Variants in OVGP1 observed in about 807,000 individuals in gnomAD.
OVGP1 encodes oviductal glycoprotein 1, also known as oviduct-specific glycoprotein.
OVGP1 carries 26 observed loss-of-function variants against 48.2 expected under a neutral mutation model. The observed-to-expected ratio is 0.54, with a 90% CI of 0.40 to 0.75. The LOEUF (loss-of-function observed/expected upper bound fraction) is 0.75, where lower values mean the gene tolerates loss of function less well. OVGP1 is among the 30% of genes least tolerant of loss of function. The pLI is 0.00. For missense variants in OVGP1, 791 were observed against 820.6 expected (o/e 0.96, Z 0.44); for synonymous variants, 294 against 305.7 (o/e 0.96, Z 0.40).
intron 8 of OVGP1, among the ~76,000 whole-genome samples, chr1:111,420,893 T>C (rs758543863): frequency 6.6e-6 from 1 of 152,068 alleles, no homozygotes; most frequent in African/African-American, 2.4e-5. Flanking sequence ...GAGTGAGTAG[T>C]ATGTGGGGGA....
Position 111,426,554 on chromosome 1 carries a change from G to A in OVGP1, c.143C>T (p.Pro48Leu), listed in dbSNP as rs191689601. 2.6e-5 allele frequency: 42 copies of A among 1,614,144 alleles called. No individual in the cohort carries two copies. Among genetic ancestry groups the A allele is most frequent in the Admixed American group, 1.7e-5 (1 of 60,020 alleles). ...PASILPHDLD[P>L]FLCTHLIFAF... ...AAATATCAGGTGGGTGCAGAGAAAG[G>A]GGTCCAGGTCATGGGGCAAGATCGA... The change falls in exon 3 of 11, where the codon CCC becomes CTC. Residue 48 changes from proline to leucine, a missense_variant. Transcript: ENST00000369732.
At chr1:111,416,625 A>G (rs1301895464) in intron 9 of OVGP1, 167 bp from the exon 10 acceptor site, 12 of 489,152 alleles carry the variant, frequency 2.5e-5, no homozygotes, top group Non-Finnish European at 3.8e-5. Flanking sequence ...GGGATCCTGA[A>G]GAAGTTATGT....
Position 111,421,312 on chromosome 1 carries a change from C to T in OVGP1, c.867G>A (p.Lys289=). The T allele has an allele frequency of 6.2e-7, 1 of 1,612,242 alleles. No homozygotes were observed. The highest frequency in any genetic ancestry group is 8.5e-7 in the Non-Finnish European group (1 of 1,179,420). Residue 289 remains lysine, a synonymous_variant, in exon 8 of 11, where the codon AAG becomes AAA. Transcript: ENST00000369732. ...ARAIGPASPG[K]YTKQEGFLAY... ...CCAAGAAGCCTTCTTGCTTGGTGTA[C>T]TTCCCTGGAGATGCTGGTCCGATCG...
intron 2 of OVGP1, 123 bp from the exon 3 acceptor site, chr1:111,426,764 G>T (rs151328843): frequency 0.01 from 15,694 of 1,549,156 alleles, 91 homozygotes; most frequent in Non-Finnish European, 0.012. Context: ...TCTCTCCCTG[G>T]CCCTGAAGTA....
chr1:111,415,383 C>T (rs780662503), intron 10 of OVGP1, 39 bp from the exon 11 acceptor site: 3 of 1,552,494 alleles, frequency 1.9e-6, no homozygotes, highest in Non-Finnish European at 2.6e-6. Context: ...ATTCCTACCA[C>T]TTCATTCTCA....
chr1:111,425,963 T>C (rs965482579), intron 3 of OVGP1, among the ~76,000 whole-genome samples: 5 of 152,186 alleles, frequency 3.3e-5, no homozygotes, highest in Middle Eastern at 6.8e-3. Context: ...GAGAGGAAAA[T>C]GTAAGCAAAC....
At chr1:111,422,608 T>C (rs897188260) in intron 6 of OVGP1, among the ~76,000 whole-genome samples, 1 of 152,224 alleles carries the variant, frequency 6.6e-6, no homozygotes, top group Non-Finnish European at 1.5e-5. Flanking sequence ...AGATATACTC[T>C]GGGTAGAAAG....
At position 111,422,927 on chromosome 1, in the gene OVGP1, C is replaced by T; in HGVS notation, c.608G>A (p.Arg203Lys). The change falls in exon 6 of 11, where the codon AGA (arginine) becomes AAA (lysine). Residue 203 changes from arginine (R) to lysine (K), a missense_variant and splice_region_variant. Transcript: ENST00000369732. ...CCCCACCAAAGCAATATCCACTCAC[C>T]TTCCTAGAAAGCGCACATCATAGGA... is the stretch of plus-strand genomic sequence containing the variant. ...QTSYDVRFLG[R>K]LLDFINVLSY... 6.2e-7 allele frequency: 1 copy of T among 1,614,024 alleles called. No homozygotes were observed. The highest frequency in any genetic ancestry group is 1.7e-5 in the Admixed American group (1 of 60,026).
At chr1:111,425,700 G>A (rs1016829569) in intron 3 of OVGP1, among the ~76,000 whole-genome samples, 5 of 152,162 alleles carry the variant, frequency 3.3e-5, no homozygotes, top group African/African-American at 1.2e-4. Flanking sequence ...ACTCGCGCAT[G>A]TCCCTATGAT....
chr1:111,417,078 T>A (rs916782061), intron 9 of OVGP1, among the ~76,000 whole-genome samples: 3 of 152,244 alleles, frequency 2.0e-5, no homozygotes, highest in African/African-American at 7.2e-5. Flanking sequence ...GAATGCTACA[T>A]AAGTTTTCCT....
chr1:111,422,840 A>C, intron 6 of OVGP1, 87 bp downstream of exon 6: 15 of 1,527,884 alleles, frequency 9.8e-6, no homozygotes, highest in Non-Finnish European at 1.4e-5. Flanking sequence ...TGAGCTCAAA[A>C]ACAGTGCTTG....
intron 6 of OVGP1, 89 bp downstream of exon 6, chr1:111,422,838 A>G (rs956947596): frequency 7.2e-6 from 11 of 1,522,484 alleles, no homozygotes; most frequent in Non-Finnish European, 1.0e-5. Flanking sequence ...GGTGAGCTCA[A>G]AAACAGTGCT....
chr1:111,425,298 G>C, intron 4 of OVGP1, 85 bp downstream of exon 4: 3 of 1,523,494 alleles, frequency 2.0e-6, no homozygotes, highest in Non-Finnish European at 2.7e-6. Context: ...TGTCCGCATG[G>C]CCAAGCTGCC....
Position 111,416,425 on chromosome 1 carries a change from C to A in OVGP1, c.1054G>T (p.Ala352Ser), listed in dbSNP as rs751044700. 6.2e-7 allele frequency: 1 copy of A among 1,605,490 alleles called. No individual in the cohort carries two copies. The highest frequency in any genetic ancestry group is 1.3e-5 in the African/African-American group (1 of 74,828). ...WFIRREHFGG[A>S]MVWTLDMDDV... is the part of the protein sequence containing the mutation. ...TCCATGTCCAATGTCCACACCATGG[C>A]CCCCCCAAAATGCTCTCGCCTTATA... The change falls in exon 10 of 11, where the codon GCC becomes TCC. Residue 352 changes from alanine (A) to serine (S), a missense_variant. Coordinates refer to ENST00000369732, the MANE Select transcript of OVGP1 (RefSeq NM_002557.4).
rs764878827 is a variant in OVGP1, at chr1:111,426,844, G to A, written c.56-203C>T. ...GGTCTCAGGAAGAAAACAATGCCTTGTGAAATCCTGGTCAGAACAGATTCT... is the reference window on the plus strand; with the variant it reads ...GGTCTCAGGAAGAAAACAATGCCTTATGAAATCCTGGTCAGAACAGATTCT... On this transcript the variant is annotated intron_variant, in intron 2 of 10. Coordinates refer to ENST00000369732, the MANE Select transcript of OVGP1 (RefSeq NM_002557.4). The A allele has an allele frequency of 2.6e-6, 4 of 1,547,990 alleles. No individual in the cohort carries two copies. The Admixed American group carries it at 7.8e-5, about 30-fold the overall frequency.
At chr1:111,424,992 T>C (rs1003734093) in intron 4 of OVGP1, among the ~76,000 whole-genome samples, 3 of 152,222 alleles carry the variant, frequency 2.0e-5, no homozygotes, top group African/African-American at 7.2e-5. Flanking sequence ...TTCCAACCCT[T>C]TGAGGTTGAT....
intron 9 of OVGP1, among the ~76,000 whole-genome samples, chr1:111,417,025 T>C (rs1652153940): frequency 6.6e-6 from 1 of 152,246 alleles, no homozygotes; most frequent in Admixed American, 6.5e-5. Context: ...TTTCAGACTT[T>C]AAAATGGTTA....
chr1:111,418,345 A>G (rs1395643392), intron 9 of OVGP1, among the ~76,000 whole-genome samples: 3 of 152,200 alleles, frequency 2.0e-5, no homozygotes, highest in Admixed American at 1.3e-4. Flanking sequence ...CCATTGAGTC[A>G]TTAATCTTTC....
At chr1:111,416,657 C>T (rs897321068) in intron 9 of OVGP1, 199 bp from the exon 10 acceptor site, 4 of 410,956 alleles carry the variant, frequency 9.7e-6, no homozygotes, top group Non-Finnish European at 8.5e-6. Flanking sequence ...GTCTTAACTG[C>T]CTCATTTGTG....
Sources: allele counts gnomAD v4.1 joint callset (sites outside exome capture counted in the v4.1 genomes callset), GRCh38; gene constraint gnomAD v4.1.1; transcripts MANE v1.5; gene names NCBI Gene and HGNC (gene_info 2026-07-23, HGNC 2026-07-21).